Variants in PDCD11 observed in about 807,000 individuals in gnomAD.
PDCD11 encodes the protein protein RRP5 homolog.
PDCD11 carries 97 observed loss-of-function variants against 198.9 expected under a neutral mutation model. The ratio of observed to expected loss-of-function variants is 0.49; its 90% CI spans 0.41 to 0.58. PDCD11 has a LOEUF of 0.58. Ranked by LOEUF, PDCD11 falls within the 20% of genes least tolerant of loss-of-function variation. The pLI is 0.00. For synonymous variants in PDCD11, 893 were observed against 918.0 expected (o/e 0.97, Z 0.49); for missense variants, 2,102 against 2,312.7 (o/e 0.91, Z 1.87).
Position 103,419,889 on chromosome 10 carries a change from A to C in PDCD11, c.2277+181A>C, listed in dbSNP as rs113411213. Among the ~76,000 whole-genome samples the C allele has an allele frequency of 7.2e-3, 1,090 of 151,278 alleles. 5 individuals are homozygous for C. The highest frequency in any genetic ancestry group is 0.01 in the Non-Finnish European group (704 of 67,940). On this transcript the variant is annotated intron_variant, in intron 16 of 35. Coordinates refer to ENST00000369797, the MANE Select transcript of PDCD11 (RefSeq NM_014976.2). ...GCTGTAACCTCCGCCTCCTGGGCTC[A>C]AGCGATTTTCCTGCTTCTGCCTTCC...
chr10:103,418,022 C>T (rs961370350), intron 14 of PDCD11, 90 bp downstream of exon 14: 60 of 1,431,794 alleles, frequency 4.2e-5, no homozygotes, highest in African/African-American at 2.0e-4. Context: ...ACCCACGAAG[C>T]GGAAAGATAG....
intron 27 of PDCD11, 62 bp downstream of exon 27, chr10:103,438,870 G>A: frequency 6.3e-7 from 1 of 1,583,044 alleles, no homozygotes; most frequent in Non-Finnish European, 8.6e-7. Context: ...GTTGCTCTGG[G>A]GTCCACTGTG....
In PDCD11 at chr10:103,416,505, C is replaced by T; in HGVS notation, c.1533C>T (p.Asp511=). ...DEVKCRVLLC[D]PEAKKLMMTL... is the part of the protein sequence containing the mutation. ...CCCTCCCCTAGGTTTTGCTTTGTGA[C>T]CCTGAAGCCAAGAAGCTGATGATGA... The change falls in exon 13 of 36, where the codon GAC becomes GAT. Residue 511 remains aspartate (D), a synonymous_variant. Coordinates refer to ENST00000369797, the MANE Select transcript of PDCD11 (RefSeq NM_014976.2). 6.2e-7 allele frequency: 1 copy of T among 1,614,088 alleles called. No individual in the cohort carries two copies. Among genetic ancestry groups the T allele is most frequent in the Non-Finnish European group, 8.5e-7 (1 of 1,179,990 alleles).
Position 103,421,554 on chromosome 10 carries a change from T to C in PDCD11, c.2484T>C (p.Leu828=), listed in dbSNP as rs1038823643. 2.1e-5 allele frequency: 33 copies of C among 1,560,268 alleles called. No homozygotes were observed. Among genetic ancestry groups the C allele is most frequent in the African/African-American group, 2.7e-5 (2 of 73,760 alleles). The part of the protein sequence containing the change: ...CLEELQGVRS[L]MSNRDSVLIQ... ...AGGAGCTGCAGGGCGTGCGCAGCCT[T>C]ATGAGCAACCGAGGTGGGGCACCTG... Residue 828 remains leucine, a synonymous_variant, in exon 17 of 36, where the codon CTT becomes CTC. Transcript: ENST00000369797.
chr10:103,406,843 A>G, intron 7 of PDCD11, 53 bp downstream of exon 7: 2 of 1,394,168 alleles, frequency 1.4e-6, no homozygotes, highest in Non-Finnish European at 2.0e-6. Flanking sequence ...TCTTTTCAAA[A>G]TATTAAATGC....
Position 103,443,269 on chromosome 10 carries a change from A to G in PDCD11, c.5060A>G (p.Tyr1687Cys). Reference protein sequence around the residue: ...LTKVFERAVQYNEPLKVFLHL... With the variant: ...LTKVFERAVQCNEPLKVFLHL... ...AAGGTCTTTGAGCGAGCCGTGCAGTACAACGAGCCTCTCAAAGTCTTTCTC... is the reference window on the plus strand; with the variant it reads ...AAGGTCTTTGAGCGAGCCGTGCAGTGCAACGAGCCTCTCAAAGTCTTTCTC... Residue 1687 changes from tyrosine (Y) to cysteine (C), a missense_variant, in exon 33 of 36, where the codon TAC becomes TGC. Transcript: ENST00000369797. The G allele has an allele frequency of 6.2e-7, 1 of 1,613,130 alleles. No homozygotes were observed. Among genetic ancestry groups the G allele is most frequent in the East Asian group, 2.2e-5 (1 of 44,832 alleles).
chr10:103,433,364 G>T (rs748431004), intron 22 of PDCD11, among the ~76,000 whole-genome samples: 19 of 152,112 alleles, frequency 1.2e-4, no homozygotes, highest in Admixed American at 6.5e-4. Context: ...GGCCTGGGGC[G>T]TGCGCGCCTG....
chr10:103,441,574 C>T lies in PDCD11; in HGVS notation c.4558-252C>T, dbSNP rs150154595. 2.4e-4 allele frequency among the ~76,000 whole-genome samples: 36 copies of T among 152,226 alleles called. 1 individual carries two copies. Among genetic ancestry groups the T allele is most frequent in the African/African-American group, 8.7e-4 (36 of 41,532 alleles). The stretch of plus-strand genomic sequence containing the variant: ...CTGGCTTCTACTGTTATTTTATATA[C>T]TGGTATGCATATGCATGTGTGTGTG... On this transcript the variant is annotated intron_variant, in intron 30 of 35. Coordinates refer to ENST00000369797, the MANE Select transcript of PDCD11 (RefSeq NM_014976.2).
rs556577870 is a variant in PDCD11, at chr10:103,437,841, C to T, written c.3846-174C>T. On this transcript the variant is annotated intron_variant, in intron 25 of 35. Coordinates refer to ENST00000369797, the MANE Select transcript of PDCD11 (RefSeq NM_014976.2). ...AGTAAACTGAAGCCCACAGAGGTGA[C>T]GTGACTTGTCCAGAGTCCCTCAGCA... Among the ~76,000 whole-genome samples the T allele has an allele frequency of 9.2e-5, 14 of 152,236 alleles. No individual in the cohort carries two copies. The South Asian group carries it at 2.5e-3, about 27-fold the overall frequency.
At chr10:103,416,079 G>C (rs894047001) in intron 12 of PDCD11, among the ~76,000 whole-genome samples, 1 of 152,162 alleles carries the variant, frequency 6.6e-6, no homozygotes, top group African/African-American at 2.4e-5. Context: ...AAAGACAGTT[G>C]CATCTCCATC....
At chr10:103,442,603 TGCCA>T in intron 32 of PDCD11, 143 bp downstream of exon 32, 1 of 802,312 alleles carries the variant, frequency 1.2e-6, no homozygotes, top group Non-Finnish European at 2.0e-6. Context: ...TCAGGCTTTC[TGCCA>T]TAGCTGCGGC....
intron 8 of PDCD11, among the ~76,000 whole-genome samples, chr10:103,411,176 C>T (rs1282248086): frequency 8.6e-5 from 13 of 151,812 alleles, no homozygotes; most frequent in Admixed American, 8.5e-4. Context: ...CTTGGCCTCC[C>T]AAAGTGCAGG....
intron 5 of PDCD11, among the ~76,000 whole-genome samples, chr10:103,405,705 C>G (rs1385725949): frequency 1.3e-5 from 2 of 152,160 alleles, no homozygotes; most frequent in Non-Finnish European, 2.9e-5. Context: ...CGAAAGTTTG[C>G]TATCTTTTGA....
intron 9 of PDCD11, among the ~76,000 whole-genome samples, 161 bp from the exon 10 acceptor site, chr10:103,413,805 A>T (rs1178039913): frequency 6.6e-6 from 1 of 152,236 alleles, no homozygotes; most frequent in Admixed American, 6.5e-5. Context: ...TTCTGTGATG[A>T]TAAAGAGCAG....
intron 21 of PDCD11, among the ~76,000 whole-genome samples, chr10:103,427,850 G>A (rs1306606851): frequency 6.6e-6 from 1 of 152,110 alleles, no homozygotes; most frequent in Admixed American, 6.6e-5. Context: ...GGAGGAGAAC[G>A]AGGAGTTCTC....
chr10:103,440,785 A>G lies in PDCD11; in HGVS notation c.4492A>G (p.Ser1498Gly), dbSNP rs758501482. 1 of 1,614,220 alleles carries G rather than the reference A, an allele frequency of 6.2e-7. No homozygotes were observed. Among genetic ancestry groups the G allele is most frequent in the South Asian group, 1.1e-5 (1 of 91,084 alleles). Residue 1498 changes from serine (S) to glycine (G), a missense_variant, in exon 30 of 36, where the codon AGC (serine) becomes GGC (glycine). Physicochemically the swap from Ser to Gly is moderately conservative, Grantham distance 56. Coordinates refer to ENST00000369797, the MANE Select transcript of PDCD11 (RefSeq NM_014976.2). ...AGCCGGCCTGTCAGAGGAGGACGAC[A>G]GCCTTGTGGACGTGTACTATCGGGA... ...KKAGLSEEDD[S>G]LVDVYYREGK... is the part of the protein sequence containing the mutation.
rs1321651164 is a variant in PDCD11, at chr10:103,432,149, C to A, written c.3389C>A (p.Thr1130Asn). The change falls in exon 22 of 36, where the codon ACT (threonine) becomes AAT (asparagine). Residue 1130 changes from threonine to asparagine, a missense_variant. Physicochemically the swap from Thr to Asn is moderately conservative, Grantham distance 65. Coordinates refer to ENST00000369797, the MANE Select transcript of PDCD11 (RefSeq NM_014976.2). ...AACAGTGAGCTGGAGGATGGCCACA[C>A]TGCTCTTAACACTCACTCTGTTAGC... The part of the protein sequence containing the change: ...VRPSELEDGH[T>N]ALNTHSVSPM... 15 of 1,613,530 alleles carry A rather than the reference C, an allele frequency of 9.3e-6. No homozygotes were observed. The highest frequency in any genetic ancestry group is 1.2e-5 in the Non-Finnish European group (14 of 1,179,530).
chr10:103,421,653 C>A, intron 17 of PDCD11, 86 bp downstream of exon 17: 3 of 1,142,772 alleles, frequency 2.6e-6, no homozygotes, highest in South Asian at 1.4e-5. Flanking sequence ...AGTTGTTGGG[C>A]TTCCCAGAAC....
At chr10:103,432,046 G>A (rs571225632) in intron 21 of PDCD11, 83 bp from the exon 22 acceptor site, 8 of 1,022,712 alleles carry the variant, frequency 7.8e-6, no homozygotes, top group Admixed American at 1.7e-5. Flanking sequence ...CAGTCAATCC[G>A]TGGCCACTTG....
Sources: allele counts gnomAD v4.1 joint callset (sites outside exome capture counted in the v4.1 genomes callset), GRCh38; gene constraint gnomAD v4.1.1; transcripts MANE v1.5; gene names NCBI Gene and HGNC (gene_info 2026-07-23, HGNC 2026-07-21).